The following TRPC3 variants were observed in gnomAD, a reference collection of about 807,000 sequenced individuals.
TRPC3 encodes the protein transient receptor potential cation channel subfamily C member 3, also known as short transient receptor potential channel 3.
A neutral mutation model predicts 90.9 loss-of-function variants in TRPC3; 54 were observed. The ratio of observed to expected loss-of-function variants is 0.59; its 90% confidence interval spans 0.48 to 0.75. The LOEUF is 0.75. Among genes scored for constraint, TRPC3 ranks in the 30% least tolerant of loss-of-function variants. The pLI is 0.00. For synonymous variants in TRPC3, 424 were observed against 450.9 expected, an observed-to-expected ratio of 0.94 and a Z score of 0.75; for missense variants, 918 against 1,194.5, an observed-to-expected ratio of 0.77 and a Z score of 3.41.
chr4:121,911,211 C>T (rs188800072), intron 5 of TRPC3, among the ~76,000 whole-genome samples: 257 of 152,306 alleles, frequency 1.7e-3, no homozygotes, highest in African/African-American at 6.0e-3. Context: ...GACACCAAGA[C>T]TCACATTGGA....
intron 1 of TRPC3, among the ~76,000 whole-genome samples, chr4:121,942,125 G>A (rs575586005): frequency 1.4e-4 from 21 of 152,252 alleles, no homozygotes; most frequent in Middle Eastern, 6.8e-3. Context: ...TCCCACCGCC[G>A]CCCTGACACA....
chr4:121,951,456 C>T lies in TRPC3; in HGVS notation c.215+10G>A. ...CCGAGGCGCGGGCCGCGGCCGGGCC[C>T]GGTACTCACAGGTCCGGCCCGTGGG... On this transcript the variant is annotated intron_variant, in intron 1 of 11. Coordinates refer to ENST00000379645, the MANE Select transcript of TRPC3 (RefSeq NM_001130698.2). This position sits in a 1 kb window ranked among gnomAD's most constrained non-coding sequence, Gnocchi z 4.4. The T allele has an allele frequency of 8.2e-7, 1 of 1,225,698 alleles. No individual in the cohort carries two copies. Among genetic ancestry groups the T allele is most frequent in the Non-Finnish European group, 1.0e-6 (1 of 981,692 alleles). 75.9% of individuals were successfully genotyped at this position (1,225,698 alleles called of 1,614,324 possible).
intron 4 of TRPC3, 117 bp from the exon 5 acceptor site, chr4:121,912,210 G>T: frequency 1.2e-6 from 1 of 840,726 alleles, no homozygotes; most frequent in Non-Finnish European, 1.8e-6. Context: ...TTCTGCTTCT[G>T]TTTCCAAAAA....
At chr4:121,940,242 C>T (rs1188134572) in intron 1 of TRPC3, among the ~76,000 whole-genome samples, 1 of 152,228 alleles carries the variant, frequency 6.6e-6, no homozygotes, top group Non-Finnish European at 1.5e-5. Flanking sequence ...ATTCACGTAA[C>T]TGCTTAATTG....
At chr4:121,920,674 T>C (rs1729471420) in intron 3 of TRPC3, among the ~76,000 whole-genome samples, 1 of 152,222 alleles carries the variant, frequency 6.6e-6, no homozygotes, top group African/African-American at 2.4e-5. Flanking sequence ...AGGAAAATGG[T>C]ATTTGTACAT....
chr4:121,914,463 C>T (rs1729228310), intron 4 of TRPC3, among the ~76,000 whole-genome samples: 1 of 152,242 alleles, frequency 6.6e-6, no homozygotes, highest in Non-Finnish European at 1.5e-5. Context: ...CGACACTCTA[C>T]TTATTAAGCC....
intron 1 of TRPC3, among the ~76,000 whole-genome samples, chr4:121,938,376 G>A (rs75365052): frequency 0.035 from 5,269 of 152,164 alleles, 303 homozygotes; most frequent in African/African-American, 0.12. Context: ...TCACTGTTTT[G>A]ATCATGTCAG....
chr4:121,906,775 A>G (rs532103100), intron 7 of TRPC3, among the ~76,000 whole-genome samples: 35 of 152,122 alleles, frequency 2.3e-4, no homozygotes, highest in Admixed American at 1.1e-3. Context: ...GAAAATGACT[A>G]AGGAAACTTG....
At chr4:121,924,646 T>A (rs1006009111) in intron 3 of TRPC3, among the ~76,000 whole-genome samples, 8 of 152,220 alleles carry the variant, frequency 5.3e-5, no homozygotes, top group African/African-American at 1.7e-4. Flanking sequence ...GCTCAAGTGA[T>A]CTTCCTGCCT....
intron 3 of TRPC3, among the ~76,000 whole-genome samples, chr4:121,915,147 T>A (rs1287145373): frequency 6.6e-6 from 1 of 152,192 alleles, no homozygotes; most frequent in African/African-American, 2.4e-5. Flanking sequence ...ATAGAAGAAT[T>A]AGAATGGAAA....
intron 6 of TRPC3, 83 bp from the exon 7 acceptor site, chr4:121,907,650 T>C (rs973557839): frequency 7.7e-6 from 11 of 1,434,986 alleles, no homozygotes; most frequent in Non-Finnish European, 1.0e-5. Flanking sequence ...AAATAGGATC[T>C]ATCTTGTAGG....
intron 7 of TRPC3, among the ~76,000 whole-genome samples, chr4:121,906,011 C>T (rs941977487): frequency 2.6e-5 from 4 of 152,046 alleles, no homozygotes; most frequent in Non-Finnish European, 5.9e-5. Flanking sequence ...CTAGCTTCTC[C>T]TCGAATCTAT....
intron 5 of TRPC3, among the ~76,000 whole-genome samples, chr4:121,911,179 C>T (rs1308199797): frequency 6.6e-6 from 1 of 152,138 alleles, no homozygotes; most frequent in Non-Finnish European, 1.5e-5. Flanking sequence ...AAGAACTAAC[C>T]TACTAACTCC....
At chr4:121,916,362 C>T (rs1729317811) in intron 3 of TRPC3, among the ~76,000 whole-genome samples, 1 of 152,214 alleles carries the variant, frequency 6.6e-6, no homozygotes, top group South Asian at 2.1e-4. Context: ...GCACTGGCAG[C>T]TGCCTCCGCA....
intron 3 of TRPC3, among the ~76,000 whole-genome samples, chr4:121,920,992 G>A (rs554880164): frequency 7.3e-4 from 111 of 152,098 alleles, no homozygotes; most frequent in Non-Finnish European, 1.0e-3. Context: ...AGATTTCTTC[G>A]CTTTTATATG....
chr4:121,926,927 CTG>C (rs1418464910), intron 2 of TRPC3, among the ~76,000 whole-genome samples: 1 of 152,220 alleles, frequency 6.6e-6, no homozygotes. Context: ...CCAGCAATCT[CTG>C]TGTGTTTTCA....
At chr4:121,893,748 G>A (rs548248694) in intron 10 of TRPC3, among the ~76,000 whole-genome samples, 1 of 152,018 alleles carries the variant, frequency 6.6e-6, no homozygotes, top group Admixed American at 6.5e-5. Context: ...ATAACACAAA[G>A]GCTAATATTG....
chr4:121,888,761 T>A (rs1449725983), intron 10 of TRPC3, among the ~76,000 whole-genome samples: 2 of 152,142 alleles, frequency 1.3e-5, no homozygotes, highest in Non-Finnish European at 2.9e-5. Flanking sequence ...TGAAAAAAAA[T>A]CTCTAACAAC....
chr4:121,905,473 A>C (rs527848126), intron 7 of TRPC3, among the ~76,000 whole-genome samples: 4 of 152,162 alleles, frequency 2.6e-5, no homozygotes, highest in Non-Finnish European at 5.9e-5. Flanking sequence ...ATTAGCACTT[A>C]GGTCCTCACC....
Sources: allele counts gnomAD v4.1 joint callset (sites outside exome capture counted in the v4.1 genomes callset), GRCh38; gene constraint gnomAD v4.1.1; non-coding constraint Gnocchi (gnomAD v3.1); transcripts MANE v1.5; gene names NCBI Gene and HGNC (gene_info 2026-07-23, HGNC 2026-07-21).